The following ZNF804A variants were observed in gnomAD, a reference collection of about 807,000 sequenced individuals.
ZNF804A encodes the protein zinc finger protein 804A.
Under a neutral mutation model 16.5 loss-of-function variants are expected in ZNF804A, and 2 were observed. That is an observed-to-expected ratio of 0.12 (90% CI 0.05 to 0.38). ZNF804A has a LOEUF of 0.38. ZNF804A is among the 10% of genes least tolerant of loss of function. The pLI, the probability that ZNF804A is intolerant of heterozygous loss-of-function variation, is 0.99. For synonymous variants in ZNF804A, 534 were observed against 489.6 expected, an observed-to-expected ratio of 1.09 and a Z score of -1.20; for missense variants, 1,473 against 1,390.7, an observed-to-expected ratio of 1.06 and a Z score of -0.94.
chr2:184,688,498 C>T (rs1203416837), intron 1 of ZNF804A, among the ~76,000 whole-genome samples: 1 of 151,858 alleles, frequency 6.6e-6, no homozygotes, highest in African/African-American at 2.4e-5. Flanking sequence ...TTTTCAGACA[C>T]CCCCCTAAAA....
intron 1 of ZNF804A, among the ~76,000 whole-genome samples, chr2:184,652,036 T>C (rs1691992245): frequency 6.6e-6 from 1 of 152,092 alleles, no homozygotes; most frequent in African/African-American, 2.4e-5. Flanking sequence ...GCAATCAACA[T>C]TGGTACCTAT....
At chr2:184,682,020 C>T (rs1324435134) in intron 1 of ZNF804A, among the ~76,000 whole-genome samples, 2 of 152,236 alleles carry the variant, frequency 1.3e-5, no homozygotes, top group Non-Finnish European at 1.5e-5. Flanking sequence ...CACGACAGCA[C>T]CCCCTGCCGC....
chr2:184,726,841 C>T (rs918522695), intron 1 of ZNF804A, among the ~76,000 whole-genome samples: 1 of 151,436 alleles, frequency 6.6e-6, no homozygotes, highest in African/African-American at 2.4e-5. Flanking sequence ...TCTAAAGATG[C>T]TAGCTCCATA....
At chr2:184,766,587 G>A (rs1468242125) in intron 1 of ZNF804A, among the ~76,000 whole-genome samples, 4 of 147,294 alleles carry the variant, frequency 2.7e-5, no homozygotes, top group South Asian at 4.2e-4. Flanking sequence ...TTTACTGTGC[G>A]ATATGACTGT....
chr2:184,831,298 C>T (rs1378922724), intron 1 of ZNF804A, among the ~76,000 whole-genome samples: 1 of 151,304 alleles, frequency 6.6e-6, no homozygotes. Context: ...GCATTTTTTC[C>T]TTTACTCTGT....
At chr2:184,834,604 T>A (rs1210486380) in intron 1 of ZNF804A, among the ~76,000 whole-genome samples, 1 of 152,096 alleles carries the variant, frequency 6.6e-6, no homozygotes, top group Admixed American at 6.6e-5. Flanking sequence ...ACAGATATAT[T>A]CAATTCTAGT....
At chr2:184,692,747 A>T (rs371500818) in intron 1 of ZNF804A, among the ~76,000 whole-genome samples, 64 of 152,316 alleles carry the variant, frequency 4.2e-4, no homozygotes, top group African/African-American at 1.3e-3. Flanking sequence ...TTAACCAATT[A>T]AGGTCACATT....
chr2:184,678,707 G>C (rs1486665852), intron 1 of ZNF804A, among the ~76,000 whole-genome samples: 3 of 152,098 alleles, frequency 2.0e-5, no homozygotes, highest in Non-Finnish European at 4.4e-5. Context: ...AAAAGCCAAG[G>C]ATAAATGTGT....
At chr2:184,835,605 T>C (rs1695331080) in intron 1 of ZNF804A, among the ~76,000 whole-genome samples, 4 of 151,078 alleles carry the variant, frequency 2.6e-5, no homozygotes, top group Admixed American at 2.0e-4. Flanking sequence ...AGTACTGTAC[T>C]GTAATAACTA....
At chr2:184,634,180 T>C (rs533599127) in intron 1 of ZNF804A, among the ~76,000 whole-genome samples, 1 of 152,258 alleles carries the variant, frequency 6.6e-6, no homozygotes, top group African/African-American at 2.4e-5. Flanking sequence ...AATGTTACAA[T>C]ATGTCAAAAC....
At chr2:184,651,204 A>G (rs1381821670) in intron 1 of ZNF804A, among the ~76,000 whole-genome samples, 1 of 152,134 alleles carries the variant, frequency 6.6e-6, no homozygotes, top group African/African-American at 2.4e-5. Flanking sequence ...AGGACTCCCT[A>G]TTCAGTAAAT....
intron 2 of ZNF804A, among the ~76,000 whole-genome samples, chr2:184,878,473 A>C (rs148813456): frequency 6.6e-6 from 1 of 152,176 alleles, no homozygotes; most frequent in African/African-American, 2.4e-5. Context: ...TTTTATATAG[A>C]AAGCGTAAGG....
In ZNF804A at chr2:184,937,235, A is replaced by T. The variant is rs764543104; in HGVS notation, c.1839A>T (p.Glu613Asp). Residue 613 changes from glutamate (E) to aspartate (D), a missense_variant, in exon 4 of 4, where the codon GAA becomes GAT. By Grantham distance (45) the Glu-to-Asp change is conservative (BLOSUM62 2). Coordinates refer to ENST00000302277, the MANE Select transcript of ZNF804A (RefSeq NM_194250.2). ...ATCATCATATGGAGAAAACCAAAGA[A>T]TCAGAAACTCGCTGCAAAATGGAAG... The part of the protein sequence containing the change: ...CQHHHMEKTK[E>D]SETRCKMEAE... The T allele has an allele frequency of 2.5e-6, 4 of 1,610,814 alleles. No individual in the cohort carries two copies. The South Asian group carries it at 4.4e-5, about 18-fold the overall frequency.
Position 184,933,676 on chromosome 2 carries a change from A to G in ZNF804A, c.329A>G (p.Gln110Arg). Residue 110 changes from glutamine (Q) to arginine (R), a missense_variant, in exon 3 of 4, where the codon CAG (glutamine) becomes CGG (arginine). Gln to Arg is a conservative substitution (Grantham distance 43). Coordinates refer to ENST00000302277, the MANE Select transcript of ZNF804A (RefSeq NM_194250.2). The stretch of plus-strand genomic sequence containing the variant: ...AAATCCAGGAAAGATGAAAGAAAAC[A>G]GGAAAAGGCACTCCAACGCCTGCAC... The part of the protein sequence containing the change: ...ASKSRKDERK[Q>R]EKALQRLHKL... The G allele has an allele frequency of 6.2e-7, 1 of 1,611,396 alleles. No individual in the cohort carries two copies. The highest frequency in any genetic ancestry group is 8.5e-7 in the Non-Finnish European group (1 of 1,178,906).
chr2:184,856,384 T>G (rs56217433), intron 1 of ZNF804A, among the ~76,000 whole-genome samples: 7,653 of 152,160 alleles, frequency 0.05, 252 homozygotes, highest in Middle Eastern at 0.078. Flanking sequence ...AATCTCTTAA[T>G]GAAAACAAAG....
At chr2:184,904,465 G>C (rs923810235) in intron 2 of ZNF804A, among the ~76,000 whole-genome samples, 3 of 151,980 alleles carry the variant, frequency 2.0e-5, no homozygotes, top group Admixed American at 6.6e-5. Flanking sequence ...CTCAATTGTG[G>C]CATGGCATTA....
intron 1 of ZNF804A, among the ~76,000 whole-genome samples, chr2:184,711,821 C>G (rs917591748): frequency 6.6e-6 from 1 of 151,598 alleles, no homozygotes; most frequent in Non-Finnish European, 1.5e-5. Context: ...GCTTTCTATT[C>G]TGTTCCATTA....
chr2:184,825,934 C>T (rs980167627), intron 1 of ZNF804A, among the ~76,000 whole-genome samples: 5 of 151,924 alleles, frequency 3.3e-5, no homozygotes, highest in Admixed American at 2.0e-4. Context: ...TGCAGTGGCA[C>T]GATCACGGCT....
chr2:184,849,585 T>C (rs1695571867), intron 1 of ZNF804A, among the ~76,000 whole-genome samples: 1 of 151,902 alleles, frequency 6.6e-6, no homozygotes, highest in African/African-American at 2.4e-5. Context: ...TAGGCAATAA[T>C]GAATATTGGC....
Sources: allele counts gnomAD v4.1 joint callset (sites outside exome capture counted in the v4.1 genomes callset), GRCh38; gene constraint gnomAD v4.1.1; transcripts MANE v1.5; gene names NCBI Gene and HGNC (gene_info 2026-07-23, HGNC 2026-07-21).